The following ALPK1 variants were observed in gnomAD, a reference collection of about 807,000 sequenced individuals.
ALPK1 encodes alpha-protein kinase 1.
A neutral mutation model predicts 120.6 loss-of-function variants in ALPK1; 110 were observed. That is an observed-to-expected ratio of 0.91 (90% CI 0.78 to 1.07). The LOEUF (loss-of-function observed/expected upper bound fraction) is 1.07. Among genes scored for constraint, ALPK1 ranks in the 50% least tolerant of loss-of-function variants. ALPK1 has a pLI of 0.00. For missense variants in ALPK1, 1,498 were observed against 1,483.9 expected (o/e 1.01, Z -0.16); for synonymous variants, 582 against 560.3 (o/e 1.04, Z -0.55).
chr4:112,377,973 C>G, intron 3 of ALPK1, 75 bp downstream of exon 3: 1 of 1,446,326 alleles, frequency 6.9e-7, no homozygotes, highest in Non-Finnish European at 9.2e-7. Context: ...ACGACACGTT[C>G]TTATCTCTGC....
At chr4:112,376,397 ATG>A (rs377573380) in intron 2 of ALPK1, among the ~76,000 whole-genome samples, 55 of 151,586 alleles carry the variant, frequency 3.6e-4, no homozygotes, top group African/African-American at 1.1e-3. Context: ...TATGTGTGTA[ATG>A]TGTGTGTGTG....
intron 5 of ALPK1, among the ~76,000 whole-genome samples, chr4:112,412,785 G>C (rs1733548064): frequency 1.3e-5 from 2 of 152,166 alleles, no homozygotes; most frequent in Non-Finnish European, 2.9e-5. Context: ...AAATGGGACT[G>C]GTTCATTTTC....
chr4:112,358,658 C>T (rs1248065826), intron 2 of ALPK1: 17 of 710,516 alleles, frequency 2.4e-5, no homozygotes, highest in Non-Finnish European at 3.6e-5. Context: ...CCCACAGGTG[C>T]TCCACCCTGT....
In ALPK1 at chr4:112,438,647, G is replaced by T; in HGVS notation, c.3351+1G>T. On this transcript the variant is annotated splice_donor_variant, in intron 13 of 15. Coordinates refer to ENST00000650871, the MANE Select transcript of ALPK1 (RefSeq NM_025144.4). LOFTEE classifies it high-confidence loss of function. ...CTACATCCCATCCACAATACTACTG[G>T]TAAGATTATCCTGAACACATCATTT... is the stretch of plus-strand genomic sequence containing the variant. The T allele has an allele frequency of 6.2e-7, 1 of 1,612,948 alleles. No homozygotes were observed. The highest frequency in any genetic ancestry group is 8.5e-7 in the Non-Finnish European group (1 of 1,179,254).
At chr4:112,329,448 AC>A (rs1332579765) in intron 2 of ALPK1, among the ~76,000 whole-genome samples, 2 of 152,164 alleles carry the variant, frequency 1.3e-5, no homozygotes, top group African/African-American at 4.8e-5. Flanking sequence ...CCCTGCCCAG[AC>A]CCACGTATTT....
intron 1 of ALPK1, among the ~76,000 whole-genome samples, chr4:112,313,418 A>T (rs1475993476): frequency 6.6e-6 from 1 of 152,170 alleles, no homozygotes; most frequent in Non-Finnish European, 1.5e-5. Context: ...AACTAAGATA[A>T]GGAGTAAGAA....
chr4:112,319,228 G>C (rs1728762907), intron 2 of ALPK1, among the ~76,000 whole-genome samples: 1 of 152,176 alleles, frequency 6.6e-6, no homozygotes, highest in Non-Finnish European at 1.5e-5. Flanking sequence ...GAGGTTGGCA[G>C]CTTTGTTGCC....
intron 5 of ALPK1, among the ~76,000 whole-genome samples, chr4:112,422,832 T>G (rs1734060628): frequency 6.6e-6 from 1 of 152,170 alleles, no homozygotes; most frequent in Non-Finnish European, 1.5e-5. Context: ...AGCTGTCCTC[T>G]GCATGGGCCT....
rs763492984 is a variant in ALPK1 at position 112,314,876 on chromosome 4, C to CTTT, written c.-152-903_-152-901dup. ...ATTACTGGGAAGAGTAATCCATTGC[C>CTTT]TTTTTTTTTTTTTTTTTTTTTTTTG... On this transcript the variant is annotated intron_variant, in intron 1 of 15. Transcript: ENST00000650871. Among the ~76,000 whole-genome samples the CTTT allele has an allele frequency of 7.4e-4, 74 of 99,644 alleles. 1 individual carries two copies. The highest frequency in any genetic ancestry group is 8.3e-4 in the African/African-American group (21 of 25,378). The allele number at this position is 99,644 out of a possible 152,430, so 65.4% of individuals were successfully genotyped here.
intron 2 of ALPK1, among the ~76,000 whole-genome samples, chr4:112,363,816 A>G (rs1731019399): frequency 6.6e-6 from 1 of 152,198 alleles, no homozygotes; most frequent in Admixed American, 6.5e-5. Flanking sequence ...AGGCCACAAA[A>G]CAAGTCTCAA....
intron 4 of ALPK1, among the ~76,000 whole-genome samples, chr4:112,392,267 C>A (rs1312861323): frequency 6.6e-6 from 1 of 152,134 alleles, no homozygotes; most frequent in Non-Finnish European, 1.5e-5. Context: ...TATCCACCCC[C>A]AGCGATCACC....
intron 2 of ALPK1, among the ~76,000 whole-genome samples, chr4:112,352,106 C>G (rs1310800695): frequency 6.6e-6 from 1 of 152,176 alleles, no homozygotes; most frequent in Non-Finnish European, 1.5e-5. Context: ...ACCCTAAAAG[C>G]AGTAAATGAT....
At chr4:112,357,127 G>A (rs1578495405) in intron 2 of ALPK1, 1 of 1,301,346 alleles carries the variant, frequency 7.7e-7, no homozygotes, top group East Asian at 2.3e-5. Context: ...ATGCTGTTGA[G>A]CTGCCTGGAG....
In ALPK1 at chr4:112,435,284, A is replaced by G. The variant is rs1372266951; in HGVS notation, c.3171A>G (p.Gln1057=). The G allele has an allele frequency of 1.2e-6, 2 of 1,610,290 alleles. No individual in the cohort carries two copies. Among genetic ancestry groups the G allele is most frequent in the South Asian group, 1.1e-5 (1 of 90,264 alleles). The change falls in exon 12 of 16, where the codon CAA becomes CAG. Residue 1057 remains glutamine (Q), a synonymous_variant. Coordinates refer to ENST00000650871, the MANE Select transcript of ALPK1 (RefSeq NM_025144.4). ...RNAFWVHHLH[Q]EEILGRYVGK... ...CTTTTTGGGTTCATCATCTTCATCA[A>G]GAAGAAATTCTGGGGAGGTATTACT...
intron 4 of ALPK1, among the ~76,000 whole-genome samples, chr4:112,408,042 G>A (rs1733270685): frequency 6.6e-6 from 1 of 152,080 alleles, no homozygotes; most frequent in South Asian, 2.1e-4. Context: ...GAGAGGCAGA[G>A]GTTGCAGTGA....
At position 112,432,530 on chromosome 4, in the gene ALPK1, A is replaced by G; in HGVS notation, c.2983A>G (p.Arg995Gly). The G allele has an allele frequency of 6.2e-7, 1 of 1,614,124 alleles. No individual in the cohort carries two copies. The highest frequency in any genetic ancestry group is 8.5e-7 in the Non-Finnish European group (1 of 1,180,044). Residue 995 changes from arginine (R) to glycine (G), a missense_variant, in exon 11 of 16, where the codon AGA (arginine) becomes GGA (glycine). Coordinates refer to ENST00000650871, the MANE Select transcript of ALPK1 (RefSeq NM_025144.4). ...AGTGAGGCATGATTGGCTGTTTCAG[A>G]GACTAGAGAATACGGGGGTTTTTAA... ...AGVRHDWLFQ[R>G]LENTGVFKPS...
In ALPK1 at chr4:112,347,310, C is replaced by T. The variant is rs979924340; in HGVS notation, c.-100-30368C>T. ...AAAAGCTTATGTCTAACTTCTGGCA[C>T]GTAATCTTAATGAGTTGCTATTTGA... On this transcript the variant is annotated intron_variant, in intron 2 of 15. Transcript: ENST00000650871. Among the ~76,000 whole-genome samples the T allele has an allele frequency of 2.6e-5, 4 of 152,202 alleles. No homozygotes were observed. The East Asian group carries it at 5.8e-4, about 22-fold the overall frequency.
At chr4:112,302,294 A>T (rs1369060576) in intron 1 of ALPK1, 1 of 151,876 alleles carries the variant, frequency 6.6e-6, no homozygotes, top group Admixed American at 6.6e-5. Context: ...TCTGGAGAAA[A>T]CTCCACACAA....
chr4:112,331,010 C>T (rs941908320), intron 2 of ALPK1, among the ~76,000 whole-genome samples: 3 of 152,210 alleles, frequency 2.0e-5, no homozygotes, highest in Admixed American at 6.5e-5. Context: ...GATCAGCCAA[C>T]AGGAGGTTAG....
Sources: gnomAD v4.1 joint callset for allele counts (sites outside exome capture counted in the v4.1 genomes callset) on GRCh38, gnomAD v4.1.1 for gene constraint, MANE v1.5 for transcripts, NCBI Gene and HGNC (gene_info 2026-07-23, HGNC 2026-07-21) for gene names.